Variants in WWOX observed in about 807,000 individuals in gnomAD.
WWOX encodes the protein WW domain-containing oxidoreductase.
In WWOX, 69 loss-of-function variants were observed where a neutral mutation model predicts 46.2. The ratio of observed to expected loss-of-function variants is 1.49; its 90% CI spans 1.23 to 1.82. WWOX has a LOEUF of 1.82. WWOX is among the 40% of genes most tolerant of loss of function. The probability of loss-of-function intolerance (pLI) is 0.00; values close to 1 mark genes in which losing one functional copy is unlikely to be tolerated. For missense variants in WWOX, 919 were observed against 542.6 expected (o/e 1.69, Z -6.89); for synonymous variants, 359 against 202.6 (o/e 1.77, Z -6.56).
rs184437162 is a variant in WWOX at position 78,117,996 on chromosome 16, G to A, written c.409+2842G>A. 9.2e-3 allele frequency among the ~76,000 whole-genome samples: 1,391 copies of A among 151,540 alleles called. 16 individuals carry two copies. The highest frequency in any genetic ancestry group is 0.027 in the Middle Eastern group (8 of 292). On this transcript the variant is annotated intron_variant, in intron 4 of 8. Coordinates refer to ENST00000566780, the MANE Select transcript of WWOX (RefSeq NM_016373.4). ...ATATCTAATTTGCCTTACAAAGGCC[G>A]ATTTGCAAATCTAGTATTTCCAGTG...
At chr16:78,993,466 G>T (rs2046928049) in intron 8 of WWOX, among the ~76,000 whole-genome samples, 1 of 152,160 alleles carries the variant, frequency 6.6e-6, no homozygotes, top group African/African-American at 2.4e-5. Context: ...AGTAATTATA[G>T]TTAAGCAGGG....
At chr16:78,217,593 T>C (rs557520933) in intron 5 of WWOX, among the ~76,000 whole-genome samples, 15 of 152,100 alleles carry the variant, frequency 9.9e-5, no homozygotes, top group Non-Finnish European at 1.6e-4. Flanking sequence ...CCGACCTTAA[T>C]AGAGACCGAG....
intron 8 of WWOX, among the ~76,000 whole-genome samples, chr16:78,738,946 A>T (rs375652514): frequency 2.6e-5 from 4 of 152,116 alleles, no homozygotes; most frequent in East Asian, 1.9e-4. Context: ...CCTAAATGCA[A>T]CTTCTCATGC....
chr16:78,224,415 A>G (rs1361865249), intron 5 of WWOX, among the ~76,000 whole-genome samples: 2 of 151,602 alleles, frequency 1.3e-5, no homozygotes, highest in Admixed American at 6.6e-5. Context: ...AAAAAAAAAA[A>G]GCCAGCCAAA....
In WWOX at chr16:78,540,606, T is replaced by G. The variant is rs147624312; in HGVS notation, c.1056+107854T>G. ...GACTCTGAAATCTGCATGGAGTGGT[T>G]ACACCCTGGGCTTGTTAGCTCCTAC... On this transcript the variant is annotated intron_variant, in intron 8 of 8. Coordinates refer to ENST00000566780, the MANE Select transcript of WWOX (RefSeq NM_016373.4). 5.3e-5 allele frequency among the ~76,000 whole-genome samples: 8 copies of G among 152,292 alleles called. No homozygotes were observed. In the East Asian group the frequency reaches 1.5e-3, roughly 29 times the overall value.
At chr16:78,865,452 T>G (rs2043983256) in intron 8 of WWOX, among the ~76,000 whole-genome samples, 1 of 152,224 alleles carries the variant, frequency 6.6e-6, no homozygotes, top group Non-Finnish European at 1.5e-5. Flanking sequence ...TTCTCTTCCT[T>G]GCTGAGGCTT....
intron 5 of WWOX, among the ~76,000 whole-genome samples, chr16:78,374,480 C>T (rs1227479129): frequency 7.3e-6 from 1 of 136,842 alleles, no homozygotes; most frequent in African/African-American, 2.8e-5. Context: ...ACTGATGACT[C>T]TTTTTGTGTT....
At chr16:78,197,176 G>T (rs1242761102) in intron 5 of WWOX, among the ~76,000 whole-genome samples, 1 of 152,112 alleles carries the variant, frequency 6.6e-6, no homozygotes, top group Non-Finnish European at 1.5e-5. Context: ...GGAAACTGAG[G>T]CTCGGCGATA....
chr16:78,660,917 C>G (rs1228638460), intron 8 of WWOX, among the ~76,000 whole-genome samples: 1 of 152,140 alleles, frequency 6.6e-6, no homozygotes, highest in Non-Finnish European at 1.5e-5. Context: ...TGTAGCTCAA[C>G]CTCCTAATAC....
At chr16:78,943,721 A>G (rs2045896993) in intron 8 of WWOX, among the ~76,000 whole-genome samples, 2 of 152,180 alleles carry the variant, frequency 1.3e-5, no homozygotes, top group African/African-American at 4.8e-5. Flanking sequence ...GACCAGCAGT[A>G]AAAGGTAGCC....
chr16:79,188,895 C>T (rs962283568), intron 8 of WWOX, among the ~76,000 whole-genome samples: 5 of 152,188 alleles, frequency 3.3e-5, no homozygotes, highest in Non-Finnish European at 7.3e-5. Flanking sequence ...TGTGTGTGAG[C>T]AGCTGAGCTA....
At chr16:78,765,669 ACT>A (rs1195157856) in intron 8 of WWOX, among the ~76,000 whole-genome samples, 1 of 151,792 alleles carries the variant, frequency 6.6e-6, no homozygotes, top group African/African-American at 2.4e-5. Flanking sequence ...ACAGAGTGAG[ACT>A]CTGTCTAAAA....
At chr16:78,613,185 C>G (rs991634855) in intron 8 of WWOX, among the ~76,000 whole-genome samples, 3 of 152,116 alleles carry the variant, frequency 2.0e-5, no homozygotes, top group African/African-American at 7.2e-5. Context: ...ATGCTGGTGC[C>G]CATCACCCCG....
chr16:78,654,109 C>G (rs1197739879), intron 8 of WWOX, among the ~76,000 whole-genome samples: 2 of 152,182 alleles, frequency 1.3e-5, no homozygotes, highest in East Asian at 1.9e-4. Flanking sequence ...TAGAGAGAAA[C>G]TCTCAAAGGC....
chr16:78,808,862 C>G (rs2051111418), intron 8 of WWOX, among the ~76,000 whole-genome samples: 1 of 152,168 alleles, frequency 6.6e-6, no homozygotes, highest in Admixed American at 6.5e-5. Flanking sequence ...CTCATTTGAA[C>G]ACACAAAATA....
At chr16:78,942,240 G>A (rs1439220933) in intron 8 of WWOX, among the ~76,000 whole-genome samples, 2 of 152,092 alleles carry the variant, frequency 1.3e-5, no homozygotes, top group African/African-American at 2.4e-5. Context: ...TAAAGTAGTA[G>A]GCTTCTTAAA....
intron 8 of WWOX, among the ~76,000 whole-genome samples, chr16:78,706,686 T>C (rs1278779782): frequency 6.6e-6 from 1 of 152,214 alleles, no homozygotes. Flanking sequence ...TCAGCTGCTC[T>C]TTCTCGATCC....
intron 8 of WWOX, among the ~76,000 whole-genome samples, chr16:78,808,923 A>C (rs373497081): frequency 6.6e-6 from 1 of 152,268 alleles, no homozygotes; most frequent in Non-Finnish European, 1.5e-5. Flanking sequence ...CCATTTGCCA[A>C]TGCTGCTATT....
chr16:78,560,377 T>A (rs1354129323), intron 8 of WWOX, among the ~76,000 whole-genome samples: 2 of 152,208 alleles, frequency 1.3e-5, no homozygotes, highest in Non-Finnish European at 2.9e-5. Flanking sequence ...GTGCGGTGGC[T>A]CACGCCTGTA....
Sources: gnomAD v4.1 joint callset for allele counts (sites outside exome capture counted in the v4.1 genomes callset) on GRCh38, gnomAD v4.1.1 for gene constraint, MANE v1.5 for transcripts, NCBI Gene and HGNC (gene_info 2026-07-23, HGNC 2026-07-21) for gene names.